Variants in BBS9 observed in about 807,000 individuals in gnomAD.
The protein encoded by BBS9 is Bardet-Biedl syndrome 9.
BBS9 carries 89 observed loss-of-function variants against 117.7 expected under a neutral mutation model. That is an observed-to-expected ratio of 0.76 (90% confidence interval 0.64 to 0.90). BBS9 has a LOEUF of 0.90. Among genes scored for constraint, BBS9 ranks in the 40% least tolerant of loss-of-function variants. The pLI is 0.00. For missense variants in BBS9, 982 were observed against 1,042.2 expected (o/e 0.94, Z 0.80); for synonymous variants, 379 against 370.9 (o/e 1.02, Z -0.25).
At chr7:33,271,239 A>G (rs1799736153) in intron 7 of BBS9, among the ~76,000 whole-genome samples, 1 of 152,236 alleles carries the variant, frequency 6.6e-6, no homozygotes, top group Non-Finnish European at 1.5e-5. Context: ...AAAGACTGTT[A>G]CTAACCAATA....
intron 8 of BBS9, among the ~76,000 whole-genome samples, chr7:33,273,607 A>G (rs1032437875): frequency 3.3e-5 from 5 of 152,204 alleles, no homozygotes; most frequent in Non-Finnish European, 7.4e-5. Flanking sequence ...ATGAAATGCA[A>G]AAATGTTGGT....
intron 19 of BBS9, among the ~76,000 whole-genome samples, chr7:33,407,221 T>G (rs528625883): frequency 1.3e-5 from 2 of 152,194 alleles, no homozygotes; most frequent in Non-Finnish European, 2.9e-5. Context: ...TCCTGTTGAT[T>G]GCATTGGCTC....
At chr7:33,225,699 C>CTT (rs72137184) in intron 5 of BBS9, among the ~76,000 whole-genome samples, 1,368 of 131,220 alleles carry the variant, frequency 0.01, 18 homozygotes, top group South Asian at 0.031. Flanking sequence ...GAGCTTGGTT[C>CTT]TTTTTTTTTT....
intron 19 of BBS9, among the ~76,000 whole-genome samples, chr7:33,456,181 G>T (rs987291128): frequency 3.3e-5 from 5 of 152,142 alleles, no homozygotes; most frequent in African/African-American, 1.2e-4. Context: ...GAGTGTCTTG[G>T]AACTGATTTG....
chr7:33,573,700 C>T (rs748837657), intron 21 of BBS9, among the ~76,000 whole-genome samples: 9 of 152,072 alleles, frequency 5.9e-5, no homozygotes, highest in South Asian at 2.1e-4. Flanking sequence ...TTATCAAAGG[C>T]GCTCACTAGG....
chr7:33,422,164 T>A (rs1427884386), intron 19 of BBS9, among the ~76,000 whole-genome samples: 1 of 152,186 alleles, frequency 6.6e-6, no homozygotes, highest in Non-Finnish European at 1.5e-5. Context: ...CTGCTATAGC[T>A]TTTCGTAAAT....
intron 21 of BBS9, among the ~76,000 whole-genome samples, chr7:33,587,092 CAAAGT>C (rs1488097699): frequency 4.6e-5 from 7 of 152,022 alleles, no homozygotes; most frequent in African/African-American, 1.7e-4. Context: ...CTCTACTGCT[CAAAGT>C]TGTGAGACCC....
At chr7:33,601,089 C>T (rs1356462240) in intron 21 of BBS9, among the ~76,000 whole-genome samples, 1 of 152,162 alleles carries the variant, frequency 6.6e-6, no homozygotes, top group South Asian at 2.1e-4. Context: ...AATACATTTA[C>T]CCTTGCGAAG....
chr7:33,259,691 A>C (rs1583933214), intron 6 of BBS9, among the ~76,000 whole-genome samples: 1 of 152,004 alleles, frequency 6.6e-6, no homozygotes, highest in East Asian at 1.9e-4. Context: ...CCCTTTACTG[A>C]GGGTAAGGGT....
At chr7:33,312,002 T>C (rs1181373253) in intron 9 of BBS9, among the ~76,000 whole-genome samples, 1 of 152,174 alleles carries the variant, frequency 6.6e-6, no homozygotes, top group African/African-American at 2.4e-5. Context: ...CAAGAAACAT[T>C]TGCATTTTGT....
chr7:33,322,356 CTTTT>C (rs35411730), intron 9 of BBS9, among the ~76,000 whole-genome samples: 19 of 74,170 alleles, frequency 2.6e-4, no homozygotes, highest in African/African-American at 7.5e-4. Flanking sequence ...GGGTCTCAGG[CTTTT>C]TTTTTTTTTT....
chr7:33,486,642 G>C (rs1244533830), intron 19 of BBS9, among the ~76,000 whole-genome samples: 1 of 152,178 alleles, frequency 6.6e-6, no homozygotes, highest in Non-Finnish European at 1.5e-5. Flanking sequence ...GGGGGACAAA[G>C]TCAAACTCCT....
chr7:33,522,081 AT>A (rs993854106), intron 20 of BBS9, among the ~76,000 whole-genome samples: 3 of 151,460 alleles, frequency 2.0e-5, no homozygotes, highest in African/African-American at 7.3e-5. Flanking sequence ...TGAATTCATC[AT>A]TTTTTATGGC....
At chr7:33,452,690 T>C (rs974481900) in intron 19 of BBS9, among the ~76,000 whole-genome samples, 10 of 152,168 alleles carry the variant, frequency 6.6e-5, no homozygotes, top group Non-Finnish European at 1.0e-4. Flanking sequence ...ATTTCCAAAA[T>C]TACAGTAGAG....
chr7:33,416,519 A>C (rs950096282), intron 19 of BBS9, among the ~76,000 whole-genome samples: 1 of 152,052 alleles, frequency 6.6e-6, no homozygotes, highest in Admixed American at 6.6e-5. Flanking sequence ...TACAGATCCC[A>C]AGGGGGCTCT....
At chr7:33,217,618 C>A (rs910454895) in intron 5 of BBS9, among the ~76,000 whole-genome samples, 27 of 152,168 alleles carry the variant, frequency 1.8e-4, no homozygotes, top group African/African-American at 5.3e-4. Flanking sequence ...TCTCAGCATG[C>A]ACATATATTC....
chr7:33,482,871 GTGAATGGGAATCATTTTCCATTTACTA>G (rs1453041427), intron 19 of BBS9, among the ~76,000 whole-genome samples: 15 of 152,030 alleles, frequency 9.9e-5, no homozygotes, highest in East Asian at 3.9e-4. Context: ...ATTGAGTCCT[GTGAATGGGAATCATTTTCCATTTACTA>G]TGAATGGGAA....
chr7:33,621,335 A>T (rs1217234713), intron 21 of BBS9, among the ~76,000 whole-genome samples: 1 of 152,232 alleles, frequency 6.6e-6, no homozygotes, highest in Non-Finnish European at 1.5e-5. Context: ...GACACAAAAA[A>T]CTCAATAGCA....
At chr7:33,597,637 G>A (rs1294915037) in intron 21 of BBS9, among the ~76,000 whole-genome samples, 2 of 151,968 alleles carry the variant, frequency 1.3e-5, no homozygotes, top group Non-Finnish European at 2.9e-5. Flanking sequence ...GGACTAGTTA[G>A]GACGGCCAAC....
Sources: gnomAD v4.1 joint callset for allele counts (sites outside exome capture counted in the v4.1 genomes callset) on GRCh38, gnomAD v4.1.1 for gene constraint, MANE v1.5 for transcripts, NCBI Gene and HGNC (gene_info 2026-07-23, HGNC 2026-07-21) for gene names.